The following TNRC6B variants were observed in gnomAD, a reference collection of about 807,000 sequenced individuals.
TNRC6B encodes trinucleotide repeat-containing gene 6B protein.
Under a neutral mutation model 203.6 loss-of-function variants are expected in TNRC6B, and 52 were observed. That is an observed-to-expected ratio of 0.26 (90% CI 0.20 to 0.32). TNRC6B has a LOEUF of 0.32. Among genes scored for constraint, TNRC6B ranks in the 10% least tolerant of loss-of-function variants. The pLI is 1.00. For missense variants in TNRC6B, 1,923 were observed against 2,286.2 expected, an observed-to-expected ratio of 0.84 and a Z score of 3.24; for synonymous variants, 838 against 845.7, an observed-to-expected ratio of 0.99 and a Z score of 0.16.
intron 12 of TNRC6B, among the ~76,000 whole-genome samples, chr22:40,297,567 T>C (rs563850204): frequency 1.3e-5 from 2 of 152,368 alleles, no homozygotes; most frequent in African/African-American, 4.8e-5. Flanking sequence ...CTCACGCCTG[T>C]AATCCCAATA....
intron 1 of TNRC6B, among the ~76,000 whole-genome samples, chr22:40,211,280 A>G (rs2069559057): frequency 6.6e-6 from 1 of 152,016 alleles, no homozygotes. Context: ...AGGTCTTGCC[A>G]TGTTGGCCAG....
At chr22:40,149,771 A>G (rs1031099132) in intron 3 of TNRC6B, among the ~76,000 whole-genome samples, 1 of 143,832 alleles carries the variant, frequency 7.0e-6, no homozygotes, top group Non-Finnish European at 1.5e-5. Flanking sequence ...TGATGATTTC[A>G]TGTGTATGTA....
At chr22:40,309,124 A>G (rs2071136906) in intron 16 of TNRC6B, among the ~76,000 whole-genome samples, 1 of 152,274 alleles carries the variant, frequency 6.6e-6, no homozygotes, top group Admixed American at 6.5e-5. Context: ...TATGTGAATT[A>G]GAGTGTCTGC....
chr22:40,116,883 A>G (rs1263316501), intron 1 of TNRC6B, among the ~76,000 whole-genome samples: 1 of 152,132 alleles, frequency 6.6e-6, no homozygotes, highest in Non-Finnish European at 1.5e-5. Context: ...AGGTGTTGTT[A>G]TTGTTCCCAG....
rs535407720 is a variant in TNRC6B at position 40,179,243 on chromosome 22, C to T, written c.5+1103C>T. 2.6e-5 allele frequency among the ~76,000 whole-genome samples: 4 copies of T among 152,200 alleles called. No individual in the cohort carries two copies. In the South Asian group the frequency reaches 8.3e-4, roughly 32 times the overall value. Reference sequence around the variant, plus strand: ...AGCTGAAAACTTGCTTTCTCAGAGCCTCCTCCCCCTATCATTGTGAGAGTG... The same window carrying T: ...AGCTGAAAACTTGCTTTCTCAGAGCTTCCTCCCCCTATCATTGTGAGAGTG... On this transcript the variant is annotated intron_variant, in intron 1 of 22. Transcript: ENST00000454349.
chr22:40,072,666 C>G (rs1394406033), intron 1 of TNRC6B, among the ~76,000 whole-genome samples: 2 of 152,010 alleles, frequency 1.3e-5, no homozygotes, highest in African/African-American at 4.8e-5. Context: ...GAGTTTGAGA[C>G]CAGCCTGGCC....
intron 1 of TNRC6B, among the ~76,000 whole-genome samples, chr22:40,232,279 T>C (rs2069882936): frequency 1.3e-5 from 2 of 152,026 alleles, no homozygotes; most frequent in African/African-American, 4.8e-5. Flanking sequence ...TGCCCGGTAA[T>C]TGGATGAGGG....
chr22:40,097,544 A>G, intron 1 of TNRC6B, among the ~76,000 whole-genome samples: 2 of 151,968 alleles, frequency 1.3e-5, no homozygotes, highest in Admixed American at 6.6e-5. Flanking sequence ...CCTGGACTCA[A>G]GTGATCCAGG....
chr22:40,245,027 T>C (rs1340912553), intron 1 of TNRC6B, among the ~76,000 whole-genome samples: 8 of 152,212 alleles, frequency 5.3e-5, no homozygotes, highest in Non-Finnish European at 1.0e-4. Flanking sequence ...TTGTCTTAAT[T>C]CATGTGTACG....
chr22:40,207,418 A>AATATAT (rs55644816), intron 1 of TNRC6B, among the ~76,000 whole-genome samples: 43 of 128,844 alleles, frequency 3.3e-4, no homozygotes, highest in East Asian at 8.5e-4. Flanking sequence ...AAAAAAAAAA[A>AATATAT]ATATATATAT....
intron 1 of TNRC6B, among the ~76,000 whole-genome samples, chr22:40,100,808 A>G (rs1415301133): frequency 1.3e-5 from 2 of 152,160 alleles, no homozygotes; most frequent in Non-Finnish European, 2.9e-5. Context: ...GACTGGGGGA[A>G]GGAAGATTGA....
chr22:40,272,248 C>A (rs536705464), intron 6 of TNRC6B, among the ~76,000 whole-genome samples: 1 of 152,342 alleles, frequency 6.6e-6, no homozygotes, highest in East Asian at 1.9e-4. Flanking sequence ...CAGACAGCCC[C>A]TTCCTGTGGC....
chr22:40,144,778 A>G (rs535239904), intron 3 of TNRC6B, among the ~76,000 whole-genome samples: 8 of 152,194 alleles, frequency 5.3e-5, no homozygotes, highest in African/African-American at 1.4e-4. Context: ...AAAGTGGTAC[A>G]TACTGTCAGA....
At chr22:40,171,156 ATTTTTTT>A (rs747786805) in intron 4 of TNRC6B, among the ~76,000 whole-genome samples, 1 of 124,394 alleles carries the variant, frequency 8.0e-6, no homozygotes, top group Non-Finnish European at 1.7e-5. Flanking sequence ...ATAAATGCTA[ATTTTTTT>A]TTTTTTTTTT....
chr22:40,171,696 C>T (rs1042800810), intron 4 of TNRC6B, among the ~76,000 whole-genome samples: 5 of 152,102 alleles, frequency 3.3e-5, no homozygotes, highest in Non-Finnish European at 7.4e-5. Flanking sequence ...TCTTTTGTGA[C>T]TTTCCACTAT....
At chr22:40,134,848 C>G (rs1053518050) in intron 3 of TNRC6B, among the ~76,000 whole-genome samples, 2 of 152,228 alleles carry the variant, frequency 1.3e-5, no homozygotes, top group Admixed American at 6.5e-5. Context: ...TAAACCTGTT[C>G]TAAAAAATAA....
intron 1 of TNRC6B, among the ~76,000 whole-genome samples, chr22:40,067,931 A>G (rs2067910422): frequency 1.3e-5 from 2 of 152,160 alleles, no homozygotes. Flanking sequence ...GATACCTAAA[A>G]TTAACCATCA....
rs772959091 is a variant in TNRC6B at position 40,277,985 on chromosome 22, T to A, written c.3217-14T>A. 4.5e-6 allele frequency: 7 copies of A among 1,547,580 alleles called. No individual in the cohort carries two copies. Among genetic ancestry groups the A allele is most frequent in the Non-Finnish European group, 6.1e-6 (7 of 1,139,952 alleles). On this transcript the variant is annotated splice_polypyrimidine_tract_variant and intron_variant, in intron 8 of 22. Coordinates refer to ENST00000454349, the MANE Select transcript of TNRC6B (RefSeq NM_001162501.2). Reference sequence around the variant, plus strand: ...GCATCCTTAATTCTCTCTCATCTGTTCTTTATTTTCCAGAGTCAGACTGAA... The same window carrying A: ...GCATCCTTAATTCTCTCTCATCTGTACTTTATTTTCCAGAGTCAGACTGAA...
intron 3 of TNRC6B, among the ~76,000 whole-genome samples, chr22:40,133,203 G>C (rs1411194366): frequency 6.6e-6 from 1 of 151,850 alleles, no homozygotes; most frequent in Admixed American, 6.6e-5. Flanking sequence ...CTGTCACATA[G>C]TGGAACTGTA....
Sources: allele counts gnomAD v4.1 joint callset (sites outside exome capture counted in the v4.1 genomes callset), GRCh38; gene constraint gnomAD v4.1.1; transcripts MANE v1.5; gene names NCBI Gene and HGNC (gene_info 2026-07-23, HGNC 2026-07-21).